Variants in IL1RAPL1 observed in about 807,000 individuals in gnomAD.
IL1RAPL1 encodes interleukin 1 receptor accessory protein like 1, also known as interleukin-1 receptor accessory protein-like 1.
Under a neutral mutation model 48.4 loss-of-function variants are expected in IL1RAPL1, and 3 were observed. That is an observed-to-expected ratio of 0.06 (90% CI 0.03 to 0.16). The LOEUF is 0.16. IL1RAPL1 is among the 10% of genes least tolerant of loss of function. IL1RAPL1 has a pLI of 1.00. For synonymous variants in IL1RAPL1, 185 were observed against 187.7 expected (o/e 0.99, Z 0.12); for missense variants, 349 against 530.6 (o/e 0.66, Z 3.36).
intron 2 of IL1RAPL1, among the ~76,000 whole-genome samples, chrX:29,076,802 G>GTCTA (rs59044267): frequency 4.2e-3 from 410 of 97,264 alleles, no homozygotes; most frequent in South Asian, 0.011. Flanking sequence ...CTGTCTGTCT[G>GTCTA]TCTATCTATC....
intron 2 of IL1RAPL1, among the ~76,000 whole-genome samples, chrX:28,897,694 C>G (rs1434099318): frequency 8.9e-6 from 1 of 112,071 alleles, no homozygotes; most frequent in African/African-American, 3.2e-5. Flanking sequence ...CCTCCCCGAT[C>G]TGAGTCACGG....
At chrX:28,628,557 T>G (rs958595542) in intron 1 of IL1RAPL1, among the ~76,000 whole-genome samples, 5 of 112,365 alleles carry the variant, frequency 4.4e-5, no homozygotes, top group African/African-American at 1.6e-4. Context: ...TAGGTGGTCA[T>G]GAGAATAAGA....
At chrX:28,886,270 C>G (rs1458227476) in intron 2 of IL1RAPL1, among the ~76,000 whole-genome samples, 5 of 107,406 alleles carry the variant, frequency 4.7e-5, no homozygotes, top group Non-Finnish European at 9.6e-5. Flanking sequence ...TCTGATTTTT[C>G]AAAACTTTAG....
At chrX:29,058,712 G>A (rs1196876711) in intron 2 of IL1RAPL1, among the ~76,000 whole-genome samples, 1 of 111,485 alleles carries the variant, frequency 9.0e-6, no homozygotes, top group East Asian at 2.9e-4. Context: ...ATCTTATCCA[G>A]CATCAATCAC....
chrX:29,183,384 G>T (rs1394092109), intron 2 of IL1RAPL1, among the ~76,000 whole-genome samples: 2 of 111,159 alleles, frequency 1.8e-5, no homozygotes, highest in Non-Finnish European at 3.8e-5. Flanking sequence ...CCATTTGATT[G>T]TTCAAACATT....
chrX:29,937,639 G>A (rs1356193205), intron 8 of IL1RAPL1, among the ~76,000 whole-genome samples: 2 of 111,993 alleles, frequency 1.8e-5, no homozygotes, highest in Non-Finnish European at 3.8e-5. Flanking sequence ...CATGTATAAT[G>A]TGTAGGCTTG....
At chrX:29,329,955 C>T (rs1018562443) in intron 3 of IL1RAPL1, among the ~76,000 whole-genome samples, 4 of 111,092 alleles carry the variant, frequency 3.6e-5, no homozygotes, top group African/African-American at 1.3e-4. Context: ...ACAAGCAACT[C>T]TATATAGAGA....
intron 2 of IL1RAPL1, among the ~76,000 whole-genome samples, chrX:29,095,409 A>C (rs754913423): frequency 4.5e-5 from 5 of 111,109 alleles, no homozygotes; most frequent in South Asian, 3.8e-4. Flanking sequence ...CCAAATTACT[A>C]ATATATTTAG....
intron 1 of IL1RAPL1, among the ~76,000 whole-genome samples, chrX:28,775,818 C>T (rs759673857): frequency 8.9e-6 from 1 of 111,871 alleles, no homozygotes; most frequent in Admixed American, 9.5e-5. Flanking sequence ...ATGGCCTTTC[C>T]ATATGTTTTA....
At chrX:29,368,140 A>C (rs960149036) in intron 3 of IL1RAPL1, among the ~76,000 whole-genome samples, 29 of 111,506 alleles carry the variant, frequency 2.6e-4, no homozygotes, top group Non-Finnish European at 4.7e-4. Context: ...ACTTCATGAA[A>C]CAATACAGTG....
chrX:29,208,584 G>A (rs1043153062), intron 2 of IL1RAPL1, among the ~76,000 whole-genome samples: 27 of 108,478 alleles, frequency 2.5e-4, no homozygotes, highest in African/African-American at 8.0e-4. Context: ...GGTGGTGGGC[G>A]CCTGTAGTCC....
chrX:29,307,975 T>C (rs952733683), intron 3 of IL1RAPL1, among the ~76,000 whole-genome samples: 9 of 112,348 alleles, frequency 8.0e-5, no homozygotes, highest in African/African-American at 2.9e-4. Context: ...ACATTTGATA[T>C]GAATTTTTAG....
At chrX:29,552,802 C>CCTTTTTTTTTTTTTT (rs766024975) in intron 5 of IL1RAPL1, among the ~76,000 whole-genome samples, 6 of 22,987 alleles carry the variant, frequency 2.6e-4, no homozygotes, top group Non-Finnish European at 3.7e-4. Context: ...TTTCACTCTC[C>CCTTTTTTTTTTTTTT]TTTTTTTTTT....
At chrX:29,464,605 G>C (rs1006334910) in intron 5 of IL1RAPL1, among the ~76,000 whole-genome samples, 2 of 111,996 alleles carry the variant, frequency 1.8e-5, no homozygotes, top group Non-Finnish European at 3.8e-5. Context: ...AATATATAAT[G>C]TTCTGTCATA....
intron 8 of IL1RAPL1, among the ~76,000 whole-genome samples, chrX:29,933,097 C>T (rs1372710012): frequency 1.8e-5 from 2 of 111,253 alleles, no homozygotes; most frequent in African/African-American, 6.5e-5. Flanking sequence ...AGAAACCAAA[C>T]ACCACATGTT....
rs763403288 is a variant in IL1RAPL1, at chrX:28,691,427, A to G, written c.-24-97893A>G. ...TAAAATACCCTGTTACACACATTCA[A>G]TTGTGTCATGTACCTCTGCCAGGAA... On this transcript the variant is annotated intron_variant, in intron 1 of 10. Coordinates refer to ENST00000378993, the MANE Select transcript of IL1RAPL1 (RefSeq NM_014271.4). 3.6e-5 allele frequency among the ~76,000 whole-genome samples: 4 copies of G among 111,748 alleles called. No individual in the cohort carries two copies. The South Asian group carries it at 1.1e-3, about 31-fold the overall frequency.
At chrX:29,667,143 G>A (rs1307850012) in intron 5 of IL1RAPL1, among the ~76,000 whole-genome samples, 1 of 112,063 alleles carries the variant, frequency 8.9e-6, no homozygotes, top group Non-Finnish European at 1.9e-5. Context: ...CTGTCCTCTT[G>A]TTAAATAGTA....
At chrX:28,695,057 G>T (rs1180705487) in intron 1 of IL1RAPL1, among the ~76,000 whole-genome samples, 1 of 111,371 alleles carries the variant, frequency 9.0e-6, no homozygotes, top group East Asian at 2.8e-4. Context: ...CTTCAGCTCT[G>T]CAGGTGGGAG....
intron 5 of IL1RAPL1, among the ~76,000 whole-genome samples, chrX:29,426,866 G>C (rs1569308913): frequency 9.0e-6 from 1 of 110,709 alleles, no homozygotes; most frequent in Non-Finnish European, 1.9e-5. Context: ...TTACATGTAA[G>C]TTTCTTTTAA....
Sources: allele counts gnomAD v4.1 joint callset (sites outside exome capture counted in the v4.1 genomes callset), GRCh38; gene constraint gnomAD v4.1.1; transcripts MANE v1.5; gene names NCBI Gene and HGNC (gene_info 2026-07-23, HGNC 2026-07-21).